DOCK4: variants seen among roughly 807,000 people sequenced by gnomAD.
DOCK4 encodes the protein dedicator of cytokinesis protein 4.
Under a neutral mutation model 268.1 loss-of-function variants are expected in DOCK4, and 97 were observed. The observed-to-expected ratio is 0.36, with a 90% confidence interval of 0.31 to 0.43. DOCK4 has a LOEUF of 0.43. Ranked by LOEUF, DOCK4 falls within the 20% of genes least tolerant of loss-of-function variation. DOCK4 has a pLI of 1.00. For missense variants in DOCK4, 2,145 were observed against 2,455.7 expected (o/e 0.87, Z 2.67); for synonymous variants, 954 against 887.2 (o/e 1.08, Z -1.34).
chr7:111,939,869 A>G (rs1299138283), intron 11 of DOCK4, among the ~76,000 whole-genome samples: 1 of 152,230 alleles, frequency 6.6e-6, no homozygotes, highest in East Asian at 1.9e-4. Context: ...CACATAGTAG[A>G]CGGTCTACCT....
At chr7:112,078,461 CTT>C (rs1808276754) in intron 1 of DOCK4, among the ~76,000 whole-genome samples, 1 of 152,074 alleles carries the variant, frequency 6.6e-6, no homozygotes, top group Non-Finnish European at 1.5e-5. Flanking sequence ...TGGAAACAAA[CTT>C]TACCAAAGCT....
At chr7:111,838,579 T>G (rs1324915480) in intron 25 of DOCK4, among the ~76,000 whole-genome samples, 1 of 152,164 alleles carries the variant, frequency 6.6e-6, no homozygotes, top group Non-Finnish European at 1.5e-5. Context: ...AACTATGTAG[T>G]ATATGATTAA....
At chr7:111,815,626 C>T (rs1021880320) in intron 27 of DOCK4, among the ~76,000 whole-genome samples, 2 of 145,732 alleles carry the variant, frequency 1.4e-5, no homozygotes, top group African/African-American at 5.0e-5. Context: ...TTCCTTCCTT[C>T]CCCTCCCCCA....
In DOCK4 at chr7:112,099,931, A is replaced by C. The variant is rs144755719; in HGVS notation, c.38-95800T>G. Among the ~76,000 whole-genome samples, 833 of 152,346 alleles carry C rather than the reference A, an allele frequency of 5.5e-3. 28 individuals carry two copies. The highest frequency in any genetic ancestry group is 0.048 in the Admixed American group (741 of 15,300). ...TGTGTTTTTTGTAGATTTATTACACAAATTAAACACTGATAAATATTTGCA... is the reference window on the plus strand; with the variant it reads ...TGTGTTTTTTGTAGATTTATTACACCAATTAAACACTGATAAATATTTGCA... On this transcript the variant is annotated intron_variant, in intron 1 of 52. Transcript: ENST00000428084.
At chr7:111,737,245 A>C (rs1007850141) in intron 49 of DOCK4, among the ~76,000 whole-genome samples, 1 of 152,214 alleles carries the variant, frequency 6.6e-6, no homozygotes, top group Non-Finnish European at 1.5e-5. Flanking sequence ...TTCATAATAA[A>C]ATGTAAAAAA....
chr7:112,050,259 T>C (rs1297464717), intron 1 of DOCK4, among the ~76,000 whole-genome samples: 1 of 152,142 alleles, frequency 6.6e-6, no homozygotes, highest in African/African-American at 2.4e-5. Flanking sequence ...GTCTTGTTTG[T>C]ATTTAAGTTT....
intron 1 of DOCK4, among the ~76,000 whole-genome samples, chr7:112,024,894 G>A (rs1483630578): frequency 1.3e-5 from 2 of 152,140 alleles, no homozygotes; most frequent in African/African-American, 2.4e-5. Context: ...AAATCTTTCT[G>A]AACTAAATGT....
chr7:112,019,134 T>C (rs1802103293), intron 1 of DOCK4, among the ~76,000 whole-genome samples: 1 of 152,212 alleles, frequency 6.6e-6, no homozygotes, highest in African/African-American at 2.4e-5. Flanking sequence ...CAATTCAAAG[T>C]ATTTCATTTT....
chr7:112,102,455 CA>C (rs1430123947), intron 1 of DOCK4, among the ~76,000 whole-genome samples: 1 of 152,070 alleles, frequency 6.6e-6, no homozygotes, highest in East Asian at 1.9e-4. Context: ...TATGTTGCCT[CA>C]AAATTAATAT....
intron 1 of DOCK4, among the ~76,000 whole-genome samples, chr7:112,201,617 T>G (rs1380463976): frequency 3.9e-5 from 6 of 151,906 alleles, no homozygotes; most frequent in Non-Finnish European, 5.9e-5. Flanking sequence ...GGTCTTAGCT[T>G]TCTCCATGAA....
intron 29 of DOCK4, 148 bp from the exon 30 acceptor site, chr7:111,809,027 A>G: frequency 1.1e-6 from 1 of 909,726 alleles, no homozygotes; most frequent in Non-Finnish European, 1.6e-6. Flanking sequence ...CGATGCCTCT[A>G]AGTCAAATTC....
rs771852527 is a variant in DOCK4 at position 111,977,121 on chromosome 7, C to A, written c.701+11G>T. On this transcript the variant is annotated intron_variant, in intron 8 of 52. Coordinates refer to ENST00000428084, the MANE Select transcript of DOCK4 (RefSeq NM_001363540.2). Reference sequence around the variant, plus strand: ...TTAAGACATTGAAACCCTATCTCCACGTGCAGGTACCTGATTGGCCGGTTC... The same window carrying A: ...TTAAGACATTGAAACCCTATCTCCAAGTGCAGGTACCTGATTGGCCGGTTC... 3 of 1,612,894 alleles carry A rather than the reference C, an allele frequency of 1.9e-6. No individual in the cohort carries two copies. In the East Asian group the frequency reaches 6.7e-5, roughly 36 times the overall value.
At chr7:112,003,899 C>A in intron 2 of DOCK4, 149 bp downstream of exon 2, 1 of 512,506 alleles carries the variant, frequency 2.0e-6, no homozygotes, top group Non-Finnish European at 3.4e-6. Flanking sequence ...TTTCCATTAG[C>A]CAAACACTGA....
intron 20 of DOCK4, among the ~76,000 whole-genome samples, chr7:111,870,479 G>A (rs186034251): frequency 1.1e-3 from 172 of 151,842 alleles, no homozygotes; most frequent in Non-Finnish European, 3.5e-4. Context: ...GCACCACCAC[G>A]CCCAGCTAAT....
intron 42 of DOCK4, among the ~76,000 whole-genome samples, chr7:111,754,304 T>C (rs1045468391): frequency 6.6e-6 from 1 of 152,252 alleles, no homozygotes; most frequent in Middle Eastern, 3.2e-3. Flanking sequence ...ATTTTAACTT[T>C]TAAATCCTTA....
chr7:111,766,362 C>T (rs1797759189), intron 38 of DOCK4, among the ~76,000 whole-genome samples: 1 of 151,962 alleles, frequency 6.6e-6, no homozygotes, highest in Admixed American at 6.6e-5. Context: ...TGTATAAAAA[C>T]TGATGATCCT....
chr7:111,870,820 C>T (rs942761573), intron 20 of DOCK4, among the ~76,000 whole-genome samples: 4 of 152,120 alleles, frequency 2.6e-5, no homozygotes, highest in Non-Finnish European at 4.4e-5. Context: ...CCTGGCCAAC[C>T]GGAAGTGTGA....
At chr7:112,036,423 AAAT>A (rs1803770383) in intron 1 of DOCK4, among the ~76,000 whole-genome samples, 1 of 152,190 alleles carries the variant, frequency 6.6e-6, no homozygotes, top group Non-Finnish European at 1.5e-5. Flanking sequence ...AAAAAAGAAA[AAAT>A]AACACAAGCA....
Position 111,936,640 on chromosome 7 carries a change from C to G in DOCK4, c.978-1012G>C, listed in dbSNP as rs1391893149. ...CTCCCAGATTGGCTGGGGAAAAGTT[C>G]CTTCATCTGAACATATGTGTAAATT... On this transcript the variant is annotated intron_variant, in intron 11 of 52. Transcript: ENST00000428084. 3.9e-5 allele frequency among the ~76,000 whole-genome samples: 6 copies of G among 152,102 alleles called. No homozygotes were observed. In the South Asian group the frequency reaches 1.0e-3, roughly 26 times the overall value.
Sources: gnomAD v4.1 joint callset for allele counts (sites outside exome capture counted in the v4.1 genomes callset) on GRCh38, gnomAD v4.1.1 for gene constraint, MANE v1.5 for transcripts, NCBI Gene and HGNC (gene_info 2026-07-23, HGNC 2026-07-21) for gene names.